ADGRG7: variants seen among roughly 807,000 people sequenced by gnomAD.
ADGRG7 encodes the protein G-protein coupled receptor 128.
A neutral mutation model predicts 88.6 loss-of-function variants in ADGRG7; 82 were observed. That is an observed-to-expected ratio of 0.93 (90% CI 0.77 to 1.11). The LOEUF (loss-of-function observed/expected upper bound fraction) is 1.11, where lower values mean the gene tolerates loss of function less well. Ranked by LOEUF, ADGRG7 falls within the 50% of genes most tolerant of loss-of-function variation. ADGRG7 has a pLI of 0.00. For missense variants in ADGRG7, 945 were observed against 953.4 expected (o/e 0.99, Z 0.12); for synonymous variants, 381 against 345.2 (o/e 1.10, Z -1.15).
At chr3:100,630,962 C>A (rs1250017885) in intron 3 of ADGRG7, among the ~76,000 whole-genome samples, 153 bp downstream of exon 3, 2 of 152,120 alleles carry the variant, frequency 1.3e-5, no homozygotes, top group Non-Finnish European at 2.9e-5. Context: ...ATGTTCAAAA[C>A]TTAAGGTAGT....
At chr3:100,659,553 A>T in intron 13 of ADGRG7, 135 bp from the exon 14 acceptor site, 1 of 664,998 alleles carries the variant, frequency 1.5e-6, no homozygotes, top group Non-Finnish European at 2.4e-6. Flanking sequence ...AGTCATCTCA[A>T]ATGTGTAAAA....
intron 1 of ADGRG7, among the ~76,000 whole-genome samples, chr3:100,616,700 A>C (rs916594016): frequency 6.6e-6 from 1 of 152,192 alleles, no homozygotes; most frequent in African/African-American, 2.4e-5. Flanking sequence ...GCCTGCCTGT[A>C]GTCTCAGCTA....
chr3:100,623,425 A>G (rs1359739678), intron 1 of ADGRG7, among the ~76,000 whole-genome samples: 1 of 152,070 alleles, frequency 6.6e-6, no homozygotes, highest in Non-Finnish European at 1.5e-5. Flanking sequence ...TCATTGATGT[A>G]TTTGTCTACC....
intron 1 of ADGRG7, among the ~76,000 whole-genome samples, chr3:100,612,683 A>G (rs1490713434): frequency 6.6e-6 from 1 of 152,168 alleles, no homozygotes; most frequent in Non-Finnish European, 1.5e-5. Context: ...ACTTGACCAT[A>G]TTCTACACCT....
intron 4 of ADGRG7, among the ~76,000 whole-genome samples, chr3:100,635,000 GACACACAC>G (rs142620077): frequency 1.4e-5 from 2 of 146,672 alleles, no homozygotes; most frequent in Admixed American, 6.9e-5. Flanking sequence ...TGAAAACCAA[GACACACAC>G]ACACACACAC....
chr3:100,659,649 T>C (rs762395100), intron 13 of ADGRG7, 39 bp from the exon 14 acceptor site: 1 of 1,600,768 alleles, frequency 6.2e-7, no homozygotes, highest in Admixed American at 1.7e-5. Flanking sequence ...ATGTATACCT[T>C]TCTTAGTCTG....
At chr3:100,675,076 T>G (rs1283112815) in intron 15 of ADGRG7, among the ~76,000 whole-genome samples, 1 of 152,190 alleles carries the variant, frequency 6.6e-6, no homozygotes, top group Non-Finnish European at 1.5e-5. Context: ...CCAATTTAGA[T>G]TTTTTAAATT....
rs1021489760 is a variant in ADGRG7, at chr3:100,646,099, T to A, written c.1101T>A (p.Phe367Leu). 1 of 1,613,156 alleles carries A rather than the reference T, an allele frequency of 6.2e-7. No individual in the cohort carries two copies. Among genetic ancestry groups the A allele is most frequent in the African/African-American group, 1.3e-5 (1 of 74,834 alleles). The change falls in exon 9 of 16, where the codon TTT (phenylalanine) becomes TTA (leucine). Residue 367 changes from phenylalanine to leucine, a missense_variant. Transcript: ENST00000273352. ...QDQSASVDMV[F>L]SPKYNQKEFQ... Reference sequence around the variant, plus strand: ...AGAGTGCTTCTGTTGACATGGTCTTTAGTCCAAAGGTGAGTTTTTCATTGC... The same window carrying A: ...AGAGTGCTTCTGTTGACATGGTCTTAAGTCCAAAGGTGAGTTTTTCATTGC...
At chr3:100,620,833 G>T (rs763266232) in intron 1 of ADGRG7, among the ~76,000 whole-genome samples, 85 of 79,826 alleles carry the variant, frequency 1.1e-3, no homozygotes, top group African/African-American at 2.4e-3. Context: ...TAGGTATTAT[G>T]TTTTTTTTTT....
chr3:100,662,274 G>A (rs761390004), intron 14 of ADGRG7, among the ~76,000 whole-genome samples: 46 of 152,082 alleles, frequency 3.0e-4, no homozygotes, highest in Non-Finnish European at 5.1e-4. Context: ...CCTGAAAATG[G>A]GAGATAAAAG....
chr3:100,689,449 G>T (rs572122989), intron 15 of ADGRG7, among the ~76,000 whole-genome samples: 3 of 152,292 alleles, frequency 2.0e-5, no homozygotes, highest in African/African-American at 7.2e-5. Context: ...CTCGTTAGTT[G>T]ATGCAGTTTC....
intron 1 of ADGRG7, among the ~76,000 whole-genome samples, chr3:100,618,226 T>C (rs1436358102): frequency 6.6e-6 from 1 of 152,194 alleles, no homozygotes; most frequent in Non-Finnish European, 1.5e-5. Context: ...TTTAATTAGA[T>C]CCCATTTGTC....
At chr3:100,639,041 TGTGTGTGTGTGTGTGTA>T in intron 6 of ADGRG7, among the ~76,000 whole-genome samples, 1 of 144,124 alleles carries the variant, frequency 6.9e-6, no homozygotes, top group Non-Finnish European at 1.5e-5. Flanking sequence ...TGTGTGTGTG[TGTGTGTGTGTGTGTGTA>T]TGTATATGTA....
rs770847170 is a variant in ADGRG7, at chr3:100,646,031, C to A, written c.1033C>A (p.Gln345Lys). ...TTTTACAGCTAAATCGGATTTTAGTCAAAAAATTATCTCAAGCAAAACTGA... is the reference window on the plus strand; with the variant it reads ...TTTTACAGCTAAATCGGATTTTAGTAAAAAAATTATCTCAAGCAAAACTGA... ...KTFTAKSDFS[Q>K]KIISSKTDEN... is the part of the protein sequence containing the mutation. Residue 345 changes from glutamine (Q) to lysine (K), a missense_variant, in exon 9 of 16, where the codon CAA (glutamine) becomes AAA (lysine). By Grantham distance (53) the Gln-to-Lys change is moderately conservative. Coordinates refer to ENST00000273352, the MANE Select transcript of ADGRG7 (RefSeq NM_032787.3). The A allele has an allele frequency of 4.3e-6, 7 of 1,613,648 alleles. No homozygotes were observed. In the Admixed American group the frequency reaches 1.2e-4, roughly 27 times the overall value.
intron 1 of ADGRG7, among the ~76,000 whole-genome samples, chr3:100,610,613 T>C (rs1012605170): frequency 1.3e-5 from 2 of 151,990 alleles, no homozygotes; most frequent in African/African-American, 4.8e-5. Context: ...GGAGGGGAAG[T>C]AGTGAGTAAA....
At chr3:100,658,516 C>A (rs1177547181) in intron 13 of ADGRG7, among the ~76,000 whole-genome samples, 2 of 152,172 alleles carry the variant, frequency 1.3e-5, no homozygotes, top group African/African-American at 2.4e-5. Context: ...TTTCCACTAA[C>A]GTTATCCACT....
chr3:100,689,148 T>C (rs1329325111), intron 15 of ADGRG7, among the ~76,000 whole-genome samples: 2 of 152,198 alleles, frequency 1.3e-5, no homozygotes, highest in Non-Finnish European at 2.9e-5. Flanking sequence ...TCTTTGTCTG[T>C]TTTGATCTTT....
At chr3:100,644,042 A>C (rs1576322201) in intron 8 of ADGRG7, among the ~76,000 whole-genome samples, 1 of 152,214 alleles carries the variant, frequency 6.6e-6, no homozygotes, top group Admixed American at 6.5e-5. Flanking sequence ...GGAGAAGTCT[A>C]TGTAATTGGC....
At chr3:100,639,987 A>G (rs1438918369) in intron 6 of ADGRG7, among the ~76,000 whole-genome samples, 1 of 152,180 alleles carries the variant, frequency 6.6e-6, no homozygotes, top group Non-Finnish European at 1.5e-5. Context: ...ATTATTTTCT[A>G]ATAATGTTCC....
Sources: gnomAD v4.1 joint callset for allele counts (sites outside exome capture counted in the v4.1 genomes callset) on GRCh38, gnomAD v4.1.1 for gene constraint, MANE v1.5 for transcripts, NCBI Gene and HGNC (gene_info 2026-07-23, HGNC 2026-07-21) for gene names.